CIP2A: variants seen among roughly 807,000 people sequenced by gnomAD.
CIP2A encodes the protein cellular inhibitor of PP2A, also known as protein CIP2A.
Under a neutral mutation model 110.9 loss-of-function variants are expected in CIP2A, and 103 were observed. The observed-to-expected ratio is 0.93, with a 90% CI of 0.79 to 1.09. The LOEUF (loss-of-function observed/expected upper bound fraction) is 1.09. CIP2A is among the 50% of genes least tolerant of loss of function. CIP2A has a pLI of 0.00. For missense variants in CIP2A, 1,088 were observed against 1,038.4 expected, an observed-to-expected ratio of 1.05 and a Z score of -0.66; for synonymous variants, 381 against 361.6, an observed-to-expected ratio of 1.05 and a Z score of -0.61.
intron 8 of CIP2A, 114 bp downstream of exon 8, chr3:108,576,157 T>C: frequency 1.7e-6 from 1 of 597,774 alleles, no homozygotes; most frequent in East Asian, 3.0e-5. Context: ...GTGTCCCTAT[T>C]ATAAAAATAC....
At chr3:108,562,827 T>C (rs1247976902) in intron 13 of CIP2A, among the ~76,000 whole-genome samples, 1 of 152,052 alleles carries the variant, frequency 6.6e-6, no homozygotes, top group African/African-American at 2.4e-5. Flanking sequence ...GGAACTAAAC[T>C]GGGAGGATGT....
Position 108,569,177 on chromosome 3 carries a change from T to TATATATATATATATATATATATATAC in CIP2A, c.1113+211_1113+212insGTATATATATATATATATATATATAT, listed in dbSNP as rs374983042. On this transcript the variant is annotated intron_variant, in intron 9 of 20. Coordinates refer to ENST00000295746, the MANE Select transcript of CIP2A (RefSeq NM_020890.3). ...TACACTGAAATGAGCACTATATATATATATACATACACACTACTCAGTGAA... is the reference window on the plus strand; with the variant it reads ...TACACTGAAATGAGCACTATATATATATATATATATATATATATATATATACATATACATACACACTACTCAGTGAA... Among the ~76,000 whole-genome samples, 17 of 69,032 alleles carry TATATATATATATATATATATATATAC rather than the reference T, an allele frequency of 2.5e-4. 3 individuals are homozygous for TATATATATATATATATATATATATAC. Among genetic ancestry groups the TATATATATATATATATATATATATAC allele is most frequent in the African/African-American group, 6.4e-4 (14 of 21,810 alleles). 45.3% of individuals were successfully genotyped at this position (69,032 alleles called of 152,430 possible). A position where few individuals can be genotyped will look rare whatever the true frequency, so the allele number is the denominator to read the frequency against.
intron 2 of CIP2A, among the ~76,000 whole-genome samples, chr3:108,583,322 A>G (rs1559704019): frequency 6.6e-6 from 1 of 152,200 alleles, no homozygotes; most frequent in Non-Finnish European, 1.5e-5. Flanking sequence ...CTTTGATACT[A>G]ATTATTTTAG....
chr3:108,583,240 A>G (rs1296276785), intron 2 of CIP2A, among the ~76,000 whole-genome samples, 157 bp from the exon 3 acceptor site: 2 of 152,222 alleles, frequency 1.3e-5, no homozygotes, highest in African/African-American at 4.8e-5. Flanking sequence ...TCAGAAATTC[A>G]AATGATTTCT....
chr3:108,563,349 A>G (rs973778757), intron 12 of CIP2A, 105 bp from the exon 13 acceptor site: 2 of 716,484 alleles, frequency 2.8e-6, no homozygotes, highest in African/African-American at 1.8e-5. Flanking sequence ...TTCTAGGCAA[A>G]TTCTAAAATG....
intron 4 of CIP2A, among the ~76,000 whole-genome samples, 182 bp from the exon 5 acceptor site, chr3:108,581,693 C>T: frequency 6.6e-6 from 1 of 151,906 alleles, no homozygotes; most frequent in South Asian, 2.1e-4. Context: ...GATCATTTAT[C>T]TCATTTTAAA....
At chr3:108,562,107 T>G (rs557077143) in intron 13 of CIP2A, among the ~76,000 whole-genome samples, 2 of 152,304 alleles carry the variant, frequency 1.3e-5, no homozygotes, top group Non-Finnish European at 2.9e-5. Flanking sequence ...TAAGGGAATT[T>G]TGGTTATATG....
chr3:108,566,482 A>C lies in CIP2A; in HGVS notation c.1415+15T>G. 1 of 1,580,010 alleles carries C rather than the reference A, an allele frequency of 6.3e-7. No individual in the cohort carries two copies. ...TACTGCCTTGCCATTTTGTCATTAG[A>C]GTTTATATACTCACCATAATTCAGA... is the stretch of plus-strand genomic sequence containing the variant. On this transcript the variant is annotated intron_variant, in intron 11 of 20. Coordinates refer to ENST00000295746, the MANE Select transcript of CIP2A (RefSeq NM_020890.3).
chr3:108,582,132 A>C lies in CIP2A; in HGVS notation c.428T>G (p.Leu143Ter), dbSNP rs1233549452. 2.0e-6 allele frequency: 3 copies of C among 1,490,522 alleles called. No homozygotes were observed. The highest frequency in any genetic ancestry group is 2.8e-6 in the Non-Finnish European group (3 of 1,082,708). The allele number at this position is 1,490,522 out of a possible 1,614,324, so 92.3% of individuals were successfully genotyped here. ...CATGTGATCTATCAGGAACGTAATT[A>C]ATTCATCTATATTGGCACCAGAATA... ...IFYSGANIDE[L>*]ITFLIDHIQS... Residue 143 changes from leucine to a stop codon, truncating the protein, a stop_gained, in exon 4 of 21, where the codon TTA (leucine) becomes TGA (stop). Coordinates refer to ENST00000295746, the MANE Select transcript of CIP2A (RefSeq NM_020890.3). LOFTEE classifies it high-confidence loss of function.
At chr3:108,553,894 T>TACA (rs1303036231) in intron 18 of CIP2A, among the ~76,000 whole-genome samples, 164 bp from the exon 19 acceptor site, 11,419 of 49,574 alleles carry the variant, frequency 0.23, 3,862 homozygotes, top group East Asian at 0.61. Context: ...CTACTAAAAA[T>TACA]ATAAAAAAAA....
In CIP2A at chr3:108,557,375, T is replaced by C. The variant is rs768591576; in HGVS notation, c.2053A>G (p.Lys685Glu). Residue 685 changes from lysine to glutamate, a missense_variant, in exon 17 of 21, where the codon AAA becomes GAA. Lys to Glu is a moderately conservative substitution (Grantham distance 56). Coordinates refer to ENST00000295746, the MANE Select transcript of CIP2A (RefSeq NM_020890.3). Reference sequence around the variant, plus strand: ...AGCAACACACTAAGCTCTTCATTTTTTCTCTCAACTTCTCTCAACATACTA... The same window carrying C: ...AGCAACACACTAAGCTCTTCATTTTCTCTCTCAACTTCTCTCAACATACTA... ...LASMLREVER[K>E]NEELSVLLKA... 6.2e-7 allele frequency: 1 copy of C among 1,605,006 alleles called. No homozygotes were observed. Among genetic ancestry groups the C allele is most frequent in the Non-Finnish European group, 8.5e-7 (1 of 1,175,156 alleles).
chr3:108,565,309 C>A, intron 12 of CIP2A, 46 bp downstream of exon 12: 1 of 896,874 alleles, frequency 1.1e-6, no homozygotes, highest in South Asian at 1.5e-5. Flanking sequence ...ATATTAGGAC[C>A]ATTTATGTAT....
Position 108,556,715 on chromosome 3 carries a change from G to C in CIP2A, c.2210+503C>G, listed in dbSNP as rs544588246. On this transcript the variant is annotated intron_variant, in intron 17 of 20. Coordinates refer to ENST00000295746, the MANE Select transcript of CIP2A (RefSeq NM_020890.3). The stretch of plus-strand genomic sequence containing the variant: ...ACACATGGAAGTAAACTATAATCAA[G>C]GATATTAAGAGATGAGTTAAACACT... Among the ~76,000 whole-genome samples the C allele has an allele frequency of 1.6e-4, 25 of 152,194 alleles. No individual in the cohort carries two copies. The East Asian group carries it at 4.6e-3, about 28-fold the overall frequency.
chr3:108,573,716 A>G (rs1474298127), intron 8 of CIP2A, among the ~76,000 whole-genome samples: 1 of 152,162 alleles, frequency 6.6e-6, no homozygotes, highest in Non-Finnish European at 1.5e-5. Flanking sequence ...AAAGGAATTT[A>G]GAAATTCTAG....
In CIP2A at chr3:108,589,353, T is replaced by A; in HGVS notation, c.23A>T (p.Lys8Met). The A allele has an allele frequency of 6.2e-7, 1 of 1,613,744 alleles. No homozygotes were observed. The highest frequency in any genetic ancestry group is 8.5e-7 in the Non-Finnish European group (1 of 1,179,782). Reference sequence around the variant, plus strand: ...CTGACTGACAGTCAGGAGCAAGGACTTCAAGCAGGCAGTGGAGTCCATTGC... The same window carrying A: ...CTGACTGACAGTCAGGAGCAAGGACATCAAGCAGGCAGTGGAGTCCATTGC... MDSTACL[K>M]SLLLTVSQYK... Residue 8 changes from lysine to methionine, a missense_variant, in exon 1 of 21, where the codon AAG (lysine) becomes ATG (methionine). By Grantham distance (95) the Lys-to-Met change is moderately conservative. Transcript: ENST00000295746.
chr3:108,551,741 G>A (rs1481704207), intron 20 of CIP2A, among the ~76,000 whole-genome samples: 3 of 152,010 alleles, frequency 2.0e-5, no homozygotes, highest in East Asian at 3.9e-4. Context: ...GGTAGTAAAC[G>A]GGCCAGAAAG....
intron 10 of CIP2A, among the ~76,000 whole-genome samples, chr3:108,567,246 C>CA (rs1553694362): frequency 6.9e-6 from 1 of 145,660 alleles, no homozygotes; most frequent in Non-Finnish European, 1.5e-5. Flanking sequence ...CATCGATTTT[C>CA]TTTTTTTTTT....
rs1242294512 is a variant in CIP2A at position 108,581,469 on chromosome 3, T to C, written c.495A>G (p.Leu165=). Residue 165 remains leucine, a synonymous_variant, in exon 5 of 21, where the codon TTA becomes TTG. Coordinates refer to ENST00000295746, the MANE Select transcript of CIP2A (RefSeq NM_020890.3). The stretch of plus-strand genomic sequence containing the variant: ...GATTGTGCCGACAAAGATTTGCCAA[T>C]AATCCTAGACAAGGCATTTTTAACT... ...EDELKMPCLG[L]LANLCRHNLS... The C allele has an allele frequency of 6.2e-7, 1 of 1,613,372 alleles. No homozygotes were observed. The highest frequency in any genetic ancestry group is 8.5e-7 in the Non-Finnish European group (1 of 1,179,470).
In CIP2A at chr3:108,566,489, A is replaced by G. The variant is rs776042458; in HGVS notation, c.1415+8T>C. ...TTGCCATTTTGTCATTAGAGTTTAT[A>G]TACTCACCATAATTCAGAATCTGCA... is the stretch of plus-strand genomic sequence containing the variant. On this transcript the variant is annotated splice_region_variant and intron_variant, in intron 11 of 20. Transcript: ENST00000295746. 42 of 1,602,110 alleles carry G rather than the reference A, an allele frequency of 2.6e-5. No individual in the cohort carries two copies. Among genetic ancestry groups the G allele is most frequent in the Non-Finnish European group, 3.6e-5 (42 of 1,174,620 alleles).
Sources: allele counts gnomAD v4.1 joint callset (sites outside exome capture counted in the v4.1 genomes callset), GRCh38; gene constraint gnomAD v4.1.1; transcripts MANE v1.5; gene names NCBI Gene and HGNC (gene_info 2026-07-23, HGNC 2026-07-21).